CXXC1: variants seen among roughly 807,000 people sequenced by gnomAD.
CXXC1 encodes CXXC-type zinc finger protein 1.
In CXXC1, 21 loss-of-function variants were observed where a neutral mutation model predicts 83.6. The ratio of observed to expected loss-of-function variants is 0.25; its 90% CI spans 0.18 to 0.36. CXXC1 has a LOEUF of 0.36. Among genes scored for constraint, CXXC1 ranks in the 10% least tolerant of loss-of-function variants. The pLI is 1.00. For synonymous variants in CXXC1, 371 were observed against 337.5 expected (o/e 1.10, Z -1.09); for missense variants, 688 against 919.5 (o/e 0.75, Z 3.26).
chr18:50,286,496 C>T (rs1425923772), intron 3 of CXXC1, 43 bp downstream of exon 3: 2 of 1,548,982 alleles, frequency 1.3e-6, no homozygotes, highest in East Asian at 2.2e-5. Context: ...CTCCTCCTCC[C>T]TTGAAGCCCC....
rs1010668074 is a variant in CXXC1 at position 50,285,052 on chromosome 18, G to A, written c.862C>T (p.Pro288Ser). The change falls in exon 7 of 15, where the codon CCT becomes TCT. Residue 288 changes from proline (P) to serine (S), a missense_variant. Pro to Ser is a moderately conservative substitution (Grantham distance 74). Coordinates refer to ENST00000285106, the MANE Select transcript of CXXC1 (RefSeq NM_014593.4). This position sits in a 1 kb window ranked among gnomAD's most constrained non-coding sequence, Gnocchi z 4.4. Reference protein sequence around the residue: ...PLSDEDLPLDPDLYQDFCAGA... With the variant: ...PLSDEDLPLDSDLYQDFCAGA... Reference sequence around the variant, plus strand: ...GCACAGAAGTCCTGATACAGGTCAGGATCCAGAGGTAGGTCCTCATCTGAG... The same window carrying A: ...GCACAGAAGTCCTGATACAGGTCAGAATCCAGAGGTAGGTCCTCATCTGAG... 1.9e-6 allele frequency: 3 copies of A among 1,614,128 alleles called. No individual in the cohort carries two copies. Among genetic ancestry groups the A allele is most frequent in the Non-Finnish European group, 1.7e-6 (2 of 1,180,052 alleles).
chr18:50,282,809 A>G lies in CXXC1; in HGVS notation c.1824+45T>C, dbSNP rs750253539. On this transcript the variant is annotated intron_variant, in intron 14 of 14. Transcript: ENST00000285106. This position sits in a 1 kb window ranked among gnomAD's most constrained non-coding sequence, Gnocchi z 5.8. Reference sequence around the variant, plus strand: ...CCCGCCTGCCCCGGCCACGTCCGACATGGAAACCTACCACATGCAGCACCA... The same window carrying G: ...CCCGCCTGCCCCGGCCACGTCCGACGTGGAAACCTACCACATGCAGCACCA... 1.2e-6 allele frequency: 2 copies of G among 1,612,282 alleles called. No individual in the cohort carries two copies. Among genetic ancestry groups the G allele is most frequent in the East Asian group, 2.2e-5 (1 of 44,818 alleles).
At chr18:50,287,483 C>G (rs1284971637) in intron 1 of CXXC1, 104 bp downstream of exon 1, 1 of 1,395,186 alleles carries the variant, frequency 7.2e-7, no homozygotes, top group African/African-American at 1.4e-5. Flanking sequence ...AGTCCACAGA[C>G]TCCGGTTATG....
At chr18:50,286,335 C>T (rs367766448) in intron 3 of CXXC1, 78 bp from the exon 4 acceptor site, 17 of 1,351,930 alleles carry the variant, frequency 1.3e-5, no homozygotes, top group African/African-American at 7.2e-5. Context: ...TCTTCCTCTT[C>T]GCTCCCTTAC....
intron 13 of CXXC1, 32 bp downstream of exon 13, chr18:50,283,233 G>A: frequency 1.3e-6 from 2 of 1,575,710 alleles, no homozygotes; most frequent in East Asian, 2.2e-5. Flanking sequence ...GGGAGGAGGG[G>A]CAAAATGGGA....
In CXXC1 at chr18:50,285,728, C is replaced by T; in HGVS notation, c.639+21G>A. 1 of 1,608,736 alleles carries T rather than the reference C, an allele frequency of 6.2e-7. No homozygotes were observed. The highest frequency in any genetic ancestry group is 8.5e-7 in the Non-Finnish European group (1 of 1,179,544). ...ACCAGCTCTCCCACACCTGACCCTACCCAGCTCTGTCCATGCTCACCCGGG... is the reference window on the plus strand; with the variant it reads ...ACCAGCTCTCCCACACCTGACCCTATCCAGCTCTGTCCATGCTCACCCGGG... On this transcript the variant is annotated intron_variant, in intron 5 of 14. Coordinates refer to ENST00000285106, the MANE Select transcript of CXXC1 (RefSeq NM_014593.4). The surrounding 1 kb of genome is among the most constrained non-coding windows in gnomAD (Gnocchi z 4.4).
At position 50,286,674 on chromosome 18, in the gene CXXC1, G is replaced by A. The variant is rs775293309; in HGVS notation, c.123-35C>T. 1.9e-6 allele frequency: 3 copies of A among 1,611,074 alleles called. No homozygotes were observed. The African/African-American group carries it at 4.0e-5, about 22-fold the overall frequency. On this transcript the variant is annotated intron_variant, in intron 2 of 14. Coordinates refer to ENST00000285106, the MANE Select transcript of CXXC1 (RefSeq NM_014593.4). The stretch of plus-strand genomic sequence containing the variant: ...ATGGGGCAGGCGATGGAGATGTGAG[G>A]GGCGCGGCCCATCGGCCTCACCCCA...
At chr18:50,286,941 C>A (rs2040724618) in intron 1 of CXXC1, 83 bp from the exon 2 acceptor site, 3 of 968,024 alleles carry the variant, frequency 3.1e-6, no homozygotes, top group Admixed American at 1.7e-5. Context: ...CCGTGGTCAG[C>A]AGGGATCCCC....
Position 50,287,679 on chromosome 18 carries a change from AG to A in CXXC1, c.-91del. On this transcript the variant is annotated 5_prime_UTR_variant, in exon 1 of 15. Transcript: ENST00000285106. The stretch of plus-strand genomic sequence containing the variant: ...TCGGCGGCGTCCCAGGCGGTTGCAA[AG>A]GCGCCCACAACTACTTCCGCTTCTA... The A allele has an allele frequency of 1.3e-6, 2 of 1,538,066 alleles. No individual in the cohort carries two copies. The highest frequency in any genetic ancestry group is 1.8e-6 in the Non-Finnish European group (2 of 1,126,476).
rs2040494173 is a variant in CXXC1 at position 50,282,469 on chromosome 18, G to A, written c.*124C>T. 3.2e-6 allele frequency: 4 copies of A among 1,251,268 alleles called. No homozygotes were observed. In the Admixed American group the frequency reaches 7.2e-5, roughly 22 times the overall value. 77.5% of individuals were successfully genotyped at this position (1,251,268 alleles called of 1,614,324 possible). A position where few individuals can be genotyped will look rare whatever the true frequency, so the allele number is the denominator to read the frequency against. ...CAGTCCCTCTGATAAAGGCAGATGG[G>A]CGGTCAACCGGTGGATGGGCACAGG... On this transcript the variant is annotated 3_prime_UTR_variant, in exon 15 of 15. Transcript: ENST00000285106. This position sits in a 1 kb window ranked among gnomAD's most constrained non-coding sequence, Gnocchi z 5.8.
At chr18:50,284,269 C>T in intron 9 of CXXC1, 109 bp downstream of exon 9, 1 of 1,500,276 alleles carries the variant, frequency 6.7e-7, no homozygotes, top group Non-Finnish European at 8.9e-7. Flanking sequence ...TGGGTAGTGG[C>T]TGTTTGGTGA....
In CXXC1 at chr18:50,285,942, C is replaced by T. The variant is rs1253233653; in HGVS notation, c.460-14G>A. The T allele has an allele frequency of 2.5e-6, 4 of 1,613,698 alleles. No individual in the cohort carries two copies. In the African/African-American group the frequency reaches 4.0e-5, roughly 16 times the overall value. ...CTGCTGGTGATGCTGCAGGAGGGGG[C>T]CCAGAACAGAAATCATGGACCCAGG... On this transcript the variant is annotated splice_polypyrimidine_tract_variant and intron_variant, in intron 4 of 14. Coordinates refer to ENST00000285106, the MANE Select transcript of CXXC1 (RefSeq NM_014593.4). The surrounding 1 kb of genome is among the most constrained non-coding windows in gnomAD (Gnocchi z 4.4).
In CXXC1 at chr18:50,282,649, G is replaced by A. The variant is rs773680009; in HGVS notation, c.1915C>T (p.Gln639Ter). 1 of 1,612,866 alleles carries A rather than the reference G, an allele frequency of 6.2e-7. No homozygotes were observed. Among genetic ancestry groups the A allele is most frequent in the African/African-American group, 1.3e-5 (1 of 75,046 alleles). Residue 639 changes from glutamine (Q) to a stop codon, truncating the protein, a stop_gained, in exon 15 of 15, where the codon CAG (glutamine) becomes TAG (stop). Transcript: ENST00000285106. LOFTEE classifies it high-confidence loss of function. The surrounding 1 kb of genome is among the most constrained non-coding windows in gnomAD (Gnocchi z 5.8). Reference protein sequence around the residue: ...RAGLLALMLHQTIQHDPLTTD... With the variant: ...RAGLLALMLH ...GTGAGGGGATCGTGCTGGATCGTCT[G>A]GTGCAGCATCAGGGCCAGCAATCCC...
chr18:50,282,796 G>C lies in CXXC1; in HGVS notation c.1825-57C>G, dbSNP rs571205244. ...GAACACCTGCAGCCCCGCCTGCCCC[G>C]GCCACGTCCGACATGGAAACCTACC... On this transcript the variant is annotated intron_variant, in intron 14 of 14. Transcript: ENST00000285106. The surrounding 1 kb of genome is among the most constrained non-coding windows in gnomAD (Gnocchi z 5.8). 2 of 1,611,776 alleles carry C rather than the reference G, an allele frequency of 1.2e-6. No individual in the cohort carries two copies. The highest frequency in any genetic ancestry group is 2.7e-5 in the African/African-American group (2 of 75,006).
In CXXC1 at chr18:50,285,960, G is replaced by T. The variant is rs2040705966; in HGVS notation, c.460-32C>A. The T allele has an allele frequency of 1.2e-6, 2 of 1,613,734 alleles. No individual in the cohort carries two copies. The highest frequency in any genetic ancestry group is 8.5e-7 in the Non-Finnish European group (1 of 1,180,014). ...GAGGGGGCCCAGAACAGAAATCATGGACCCAGGCAGGGCTGAAACGGAACC... is the reference window on the plus strand; with the variant it reads ...GAGGGGGCCCAGAACAGAAATCATGTACCCAGGCAGGGCTGAAACGGAACC... On this transcript the variant is annotated intron_variant, in intron 4 of 14. Coordinates refer to ENST00000285106, the MANE Select transcript of CXXC1 (RefSeq NM_014593.4). This position sits in a 1 kb window ranked among gnomAD's most constrained non-coding sequence, Gnocchi z 4.4.
In CXXC1 at chr18:50,285,254, G is replaced by A; in HGVS notation, c.667-7C>T. On this transcript the variant is annotated splice_polypyrimidine_tract_variant and splice_region_variant and intron_variant, in intron 6 of 14. Transcript: ENST00000285106. The surrounding 1 kb of genome is among the most constrained non-coding windows in gnomAD (Gnocchi z 4.4). ...AGGGCGTCACTGGTGAGAGCTGCAG[G>A]GCAGAATCTCAGGACTGGCCCTGAC... The A allele has an allele frequency of 1.2e-6, 2 of 1,614,032 alleles. No individual in the cohort carries two copies. Among genetic ancestry groups the A allele is most frequent in the Non-Finnish European group, 1.7e-6 (2 of 1,179,954 alleles).
rs1389054930 is a variant in CXXC1, at chr18:50,284,020, C to T, written c.1287G>A (p.Leu429=). ...GCTGCTCTCGGCGAATGCGTTCGAG[C>T]AGCTTCTTGCCGTGCTCTTCAGCAA... ...PCIAEEHGKK[L]LERIRREQQS... The change falls in exon 10 of 15, where the codon CTG becomes CTA. Residue 429 remains leucine, a synonymous_variant. Transcript: ENST00000285106. The T allele has an allele frequency of 2.5e-6, 4 of 1,612,604 alleles. No homozygotes were observed. Among genetic ancestry groups the T allele is most frequent in the Non-Finnish European group, 3.4e-6 (4 of 1,180,042 alleles).
At position 50,285,833 on chromosome 18, in the gene CXXC1, A is replaced by G. The variant is rs772748310; in HGVS notation, c.555T>C (p.Asp185=). 2 of 1,614,090 alleles carry G rather than the reference A, an allele frequency of 1.2e-6. No homozygotes were observed. The highest frequency in any genetic ancestry group is 3.3e-5 in the Admixed American group (2 of 60,002). The change falls in exon 5 of 15, where the codon GAT becomes GAC. Residue 185 remains aspartate (D), a synonymous_variant. Coordinates refer to ENST00000285106, the MANE Select transcript of CXXC1 (RefSeq NM_014593.4). This position sits in a 1 kb window ranked among gnomAD's most constrained non-coding sequence, Gnocchi z 4.4. ...CGAACTTCTTCATGTCCCGACAGAAATCACAGTGACCACAGTCCTCAGTGC... is the reference window on the plus strand; with the variant it reads ...CGAACTTCTTCATGTCCCGACAGAAGTCACAGTGACCACAGTCCTCAGTGC... The part of the protein sequence containing the change: ...CRRTEDCGHC[D]FCRDMKKFGG...
chr18:50,283,666 G>A (rs746993396), intron 11 of CXXC1, 39 bp downstream of exon 11: 9 of 1,610,196 alleles, frequency 5.6e-6, no homozygotes, highest in South Asian at 3.3e-5. Context: ...GCCCACTGAT[G>A]TTCCCACATG....
Sources: gnomAD v4.1 joint callset for allele counts on GRCh38, gnomAD v4.1.1 for gene constraint, Gnocchi (gnomAD v3.1) non-coding constraint, MANE v1.5 for transcripts, NCBI Gene and HGNC (gene_info 2026-07-23, HGNC 2026-07-21) for gene names.